Variants in MACROD2 observed in about 807,000 individuals in gnomAD.
MACROD2 encodes the protein ADP-ribose glycohydrolase MACROD2.
A neutral mutation model predicts 70.4 loss-of-function variants in MACROD2; 36 were observed. The observed-to-expected ratio is 0.51, with a 90% CI of 0.39 to 0.68. The LOEUF (loss-of-function observed/expected upper bound fraction) is 0.68, where lower values mean the gene tolerates loss of function less well. MACROD2 is among the 30% of genes least tolerant of loss of function. MACROD2 has a pLI of 0.00. For synonymous variants in MACROD2, 172 were observed against 178.8 expected, an observed-to-expected ratio of 0.96 and a Z score of 0.30; for missense variants, 496 against 538.4, an observed-to-expected ratio of 0.92 and a Z score of 0.78.
chr20:15,657,593 A>G (rs464735), intron 8 of MACROD2, among the ~76,000 whole-genome samples: 1 of 152,044 alleles, frequency 6.6e-6, no homozygotes, highest in Admixed American at 6.5e-5. Flanking sequence ...GTATGTGAAG[A>G]TCAAAATTTA....
chr20:14,464,481 A>C (rs1467917442), intron 3 of MACROD2, among the ~76,000 whole-genome samples: 1 of 151,852 alleles, frequency 6.6e-6, no homozygotes, highest in Non-Finnish European at 1.5e-5. Flanking sequence ...TTTTCAAAAA[A>C]CCAGCTCCTG....
intron 6 of MACROD2, among the ~76,000 whole-genome samples, chr20:15,418,804 A>G (rs1450950406): frequency 1.3e-5 from 2 of 152,156 alleles, no homozygotes; most frequent in African/African-American, 4.8e-5. Context: ...TGTCCTTGGC[A>G]GTCCCTCCTG....
At chr20:14,122,668 A>G (rs2054601783) in intron 3 of MACROD2, among the ~76,000 whole-genome samples, 1 of 151,934 alleles carries the variant, frequency 6.6e-6, no homozygotes, top group South Asian at 2.1e-4. Context: ...CTTCCAACAA[A>G]CTCTTTCTTT....
chr20:15,387,944 T>A (rs1002808404), intron 6 of MACROD2, among the ~76,000 whole-genome samples: 1 of 151,706 alleles, frequency 6.6e-6, no homozygotes, highest in Non-Finnish European at 1.5e-5. Context: ...AGAGACAGGG[T>A]CTCCCTATGT....
At chr20:14,862,234 T>G (rs1174957161) in intron 5 of MACROD2, among the ~76,000 whole-genome samples, 9 of 45,006 alleles carry the variant, frequency 2.0e-4, no homozygotes, top group Admixed American at 4.5e-4. Flanking sequence ...TATATATAAA[T>G]ATATATTTAT....
chr20:15,868,365 A>G (rs1399961431), intron 9 of MACROD2, among the ~76,000 whole-genome samples: 1 of 151,906 alleles, frequency 6.6e-6, no homozygotes, highest in East Asian at 1.9e-4. Flanking sequence ...TACACCTGCC[A>G]CCCAACCCCT....
chr20:14,611,460 T>C (rs1241785150), intron 4 of MACROD2, among the ~76,000 whole-genome samples: 1 of 151,440 alleles, frequency 6.6e-6, no homozygotes, highest in Non-Finnish European at 1.5e-5. Context: ...AGGTTTTTTT[T>C]TTTTTTTTTT....
At chr20:14,864,804 A>G (rs1458630416) in intron 5 of MACROD2, among the ~76,000 whole-genome samples, 1 of 152,116 alleles carries the variant, frequency 6.6e-6, no homozygotes, top group Non-Finnish European at 1.5e-5. Flanking sequence ...AAAAAACAGT[A>G]GTATGTTAAG....
intron 3 of MACROD2, among the ~76,000 whole-genome samples, chr20:14,467,735 C>T (rs2084474390): frequency 6.6e-6 from 1 of 152,134 alleles, no homozygotes; most frequent in African/African-American, 2.4e-5. Context: ...CCAGCATTCT[C>T]CTGTGGGCAT....
intron 8 of MACROD2, among the ~76,000 whole-genome samples, chr20:15,721,667 A>G (rs2423977): frequency 0.78 from 119,175 of 152,084 alleles, 47,901 homozygotes; most frequent in Non-Finnish European, 0.88. Context: ...TATAACACAT[A>G]TTTTAGGGAA....
At chr20:15,961,502 C>G (rs1277912141) in intron 12 of MACROD2, among the ~76,000 whole-genome samples, 5 of 152,184 alleles carry the variant, frequency 3.3e-5, no homozygotes, top group Admixed American at 3.3e-4. Context: ...AATCTGAGCC[C>G]AGCAGTTGCT....
chr20:16,036,181 C>G (rs1453364906), intron 15 of MACROD2, among the ~76,000 whole-genome samples: 1 of 151,908 alleles, frequency 6.6e-6, no homozygotes, highest in East Asian at 1.9e-4. Context: ...ATCATGTCAC[C>G]TATGCAACTA....
intron 15 of MACROD2, among the ~76,000 whole-genome samples, chr20:16,031,050 A>G (rs572411936): frequency 6.6e-6 from 1 of 152,280 alleles, no homozygotes; most frequent in East Asian, 1.9e-4. Context: ...ACATAGTTAA[A>G]TTTATTTAAT....
In MACROD2 at chr20:15,995,649, C is replaced by CTTTTTTTTTTTTTTTTTTTTT. The variant is rs71192310; in HGVS notation, c.1153+8511_1153+8512insTTTTTTTTTTTTTTTTTTTTT. Among the ~76,000 whole-genome samples, 66 of 85,482 alleles carry CTTTTTTTTTTTTTTTTTTTTT rather than the reference C, an allele frequency of 7.7e-4. 6 individuals carry two copies. In the East Asian group the frequency reaches 0.014, roughly 18 times the overall value. The allele number at this position is 85,482 out of a possible 152,430, so 56.1% of individuals were successfully genotyped here. On this transcript the variant is annotated intron_variant, in intron 15 of 17. Transcript: ENST00000684519. ...ACAGGCATGAGCCACTATGCCCGGC[C>CTTTTTTTTTTTTTTTTTTTTT]TTTTTTTTTTTTTTTTTTTTAACTT...
chr20:14,458,507 A>C (rs967278756), intron 3 of MACROD2, among the ~76,000 whole-genome samples: 7 of 152,078 alleles, frequency 4.6e-5, no homozygotes, highest in Admixed American at 1.3e-4. Flanking sequence ...GATTTGGTTG[A>C]TGTTTTCTGT....
rs2048429250 is a variant in MACROD2 at position 15,575,177 on chromosome 20, T to A, written c.645+75330T>A. On this transcript the variant is annotated intron_variant, in intron 8 of 17. Transcript: ENST00000684519. The stretch of plus-strand genomic sequence containing the variant: ...AATAGAAAAGCTGTTTTTGTTTTGT[T>A]ATATTTTTTTCTTGCAAGGTTTGCT... Among the ~76,000 whole-genome samples, 3 of 152,198 alleles carry A rather than the reference T, an allele frequency of 2.0e-5. No homozygotes were observed. In the South Asian group the frequency reaches 6.2e-4, roughly 31 times the overall value.
chr20:14,586,612 T>C (rs1385227028), intron 4 of MACROD2, among the ~76,000 whole-genome samples: 2 of 152,110 alleles, frequency 1.3e-5, no homozygotes, highest in Non-Finnish European at 2.9e-5. Flanking sequence ...TGATCAAATT[T>C]CAAACATTTT....
chr20:14,862,611 A>G (rs1270927152), intron 5 of MACROD2, among the ~76,000 whole-genome samples: 2 of 20,844 alleles, frequency 9.6e-5, no homozygotes, highest in African/African-American at 1.5e-4. Context: ...ATATAAATAT[A>G]TATAAATATA....
intron 4 of MACROD2, among the ~76,000 whole-genome samples, chr20:14,656,297 T>C (rs1008390136): frequency 1.3e-5 from 2 of 152,002 alleles, no homozygotes; most frequent in African/African-American, 4.8e-5. Context: ...GTACAGAGAG[T>C]TGGGTTGACT....
Sources: allele counts gnomAD v4.1 joint callset (sites outside exome capture counted in the v4.1 genomes callset), GRCh38; gene constraint gnomAD v4.1.1; transcripts MANE v1.5; gene names NCBI Gene and HGNC (gene_info 2026-07-23, HGNC 2026-07-21).